GNG2: variants seen among roughly 807,000 people sequenced by gnomAD.
The protein encoded by GNG2 is G protein subunit gamma 2, also known as guanine nucleotide-binding protein G(I)/G(S)/G(O) subunit gamma-2.
In GNG2, 5 loss-of-function variants were observed where a neutral mutation model predicts 5.5. That is an observed-to-expected ratio of 0.91 (90% CI 0.48 to 1.92). The LOEUF is 1.92. GNG2 is among the 30% of genes most tolerant of loss of function. GNG2 has a pLI of 0.01. For missense variants in GNG2, 55 were observed against 88.4 expected (o/e 0.62, Z 1.52); for synonymous variants, 28 against 32.0 (o/e 0.88, Z 0.42).
rs377220682 is a variant in GNG2, at chr14:51,918,250, C to G, written c.-29-32400C>G. ...CCATGTTACCACGCTGTCTTCATGC[C>G]CGTGGTAAAGAGCTGCACTGTCTCC... On this transcript the variant is annotated intron_variant, in intron 2 of 3. Coordinates refer to ENST00000556766, the MANE Select transcript of GNG2 (RefSeq NM_053064.5). Among the ~76,000 whole-genome samples the G allele has an allele frequency of 1.1e-4, 16 of 152,256 alleles. No homozygotes were observed. The South Asian group carries it at 3.1e-3, about 30-fold the overall frequency.
At chr14:51,952,428 G>A (rs1889036040) in intron 3 of GNG2, among the ~76,000 whole-genome samples, 1 of 152,144 alleles carries the variant, frequency 6.6e-6, no homozygotes, top group South Asian at 2.1e-4. Flanking sequence ...CAACAGGTGG[G>A]CACAATACCT....
intron 2 of GNG2, among the ~76,000 whole-genome samples, chr14:51,949,759 G>A (rs371080266): frequency 6.6e-6 from 1 of 152,262 alleles, no homozygotes; most frequent in East Asian, 1.9e-4. Context: ...TGGGGGAAGT[G>A]GGCATCAGCA....
chr14:51,861,329 C>A (rs1408505502), intron 1 of GNG2: 1 of 152,186 alleles, frequency 6.6e-6, no homozygotes, highest in African/African-American at 2.4e-5. Context: ...AAAACAGTGT[C>A]TTCCTCCCTC....
upstream of GNG2, among the ~76,000 whole-genome samples, chr14:51,858,857 T>C (rs952893242): frequency 6.6e-6 from 1 of 152,196 alleles, no homozygotes; most frequent in African/African-American, 2.4e-5. Context: ...TCAATCCATT[T>C]TGTAATTTTC....
chr14:51,917,769 G>T (rs1018322419), intron 2 of GNG2, among the ~76,000 whole-genome samples: 3 of 152,018 alleles, frequency 2.0e-5, no homozygotes. Context: ...GGTGGCTCAC[G>T]CCTGTAATCC....
chr14:51,931,856 G>C (rs1406714495), intron 2 of GNG2, among the ~76,000 whole-genome samples: 2 of 152,138 alleles, frequency 1.3e-5, no homozygotes, highest in Non-Finnish European at 2.9e-5. Context: ...ATTGAAAGCA[G>C]GATCTCAAAG....
chr14:51,865,147 C>T (rs1262356562), intron 1 of GNG2, among the ~76,000 whole-genome samples: 1 of 152,106 alleles, frequency 6.6e-6, no homozygotes, highest in Non-Finnish European at 1.5e-5. Flanking sequence ...CTGTAATGCA[C>T]TTTGTCCATG....
chr14:51,839,717 G>A (rs1426588566), intron 2 of GNG2, among the ~76,000 whole-genome samples: 1 of 152,076 alleles, frequency 6.6e-6, no homozygotes, highest in Non-Finnish European at 1.5e-5. Context: ...GTGTGTGTTT[G>A]TCAAACTCAC....
intron 2 of GNG2, among the ~76,000 whole-genome samples, chr14:51,899,997 C>T (rs1056939721): frequency 3.3e-5 from 5 of 152,046 alleles, no homozygotes; most frequent in Admixed American, 2.6e-4. Flanking sequence ...TCTTCAAGAC[C>T]CTGATTTTAA....
chr14:51,852,965 G>A (rs1032272634), intron 2 of GNG2, among the ~76,000 whole-genome samples: 4 of 152,150 alleles, frequency 2.6e-5, no homozygotes, highest in African/African-American at 9.7e-5. Flanking sequence ...TACTTGGTCG[G>A]TAACTTCAGG....
In GNG2 at chr14:51,950,674, C is replaced by T. The variant is rs769332235; in HGVS notation, c.-5C>T. The T allele has an allele frequency of 1.9e-6, 3 of 1,608,226 alleles. No homozygotes were observed. The African/African-American group carries it at 4.0e-5, about 22-fold the overall frequency. The stretch of plus-strand genomic sequence containing the variant: ...GTGTTTCTGAAAGATCTATCCAGCA[C>T]TCCGATGGCCAGCAACAACACCGCC... On this transcript the variant is annotated 5_prime_UTR_variant, in exon 3 of 4. Coordinates refer to ENST00000556766, the MANE Select transcript of GNG2 (RefSeq NM_053064.5).
At chr14:51,930,166 T>C (rs1377384712) in intron 2 of GNG2, among the ~76,000 whole-genome samples, 2 of 152,226 alleles carry the variant, frequency 1.3e-5, no homozygotes, top group Non-Finnish European at 2.9e-5. Context: ...TTTTGGCATA[T>C]TTGGTTAATG....
chr14:51,851,421 A>G (rs1002863778), intron 2 of GNG2, among the ~76,000 whole-genome samples: 2 of 152,236 alleles, frequency 1.3e-5, no homozygotes, highest in Non-Finnish European at 2.9e-5. Context: ...CTAAGAGTAC[A>G]TACTAACCTC....
intron 2 of GNG2, among the ~76,000 whole-genome samples, chr14:51,901,582 C>T (rs1885561266): frequency 6.6e-6 from 1 of 152,078 alleles, no homozygotes; most frequent in African/African-American, 2.4e-5. Context: ...GGGAGGACGG[C>T]CAGCATAGAT....
chr14:51,928,853 G>A lies in GNG2; in HGVS notation c.-29-21797G>A, dbSNP rs75210392. ...CTAGAGGGTTCTGTGATTTACAGGCGTGAGCCACCGCGCCTGGCCGGGTGT... is the reference window on the plus strand; with the variant it reads ...CTAGAGGGTTCTGTGATTTACAGGCATGAGCCACCGCGCCTGGCCGGGTGT... On this transcript the variant is annotated intron_variant, in intron 2 of 3. Coordinates refer to ENST00000556766, the MANE Select transcript of GNG2 (RefSeq NM_053064.5). 2.1e-3 allele frequency among the ~76,000 whole-genome samples: 316 copies of A among 151,710 alleles called. 5 individuals carry two copies. In the East Asian group the frequency reaches 0.055, roughly 26 times the overall value.
At chr14:51,905,166 A>G (rs1397911053) in intron 2 of GNG2, among the ~76,000 whole-genome samples, 2 of 152,166 alleles carry the variant, frequency 1.3e-5, no homozygotes, top group Admixed American at 1.3e-4. Context: ...TCACTCAGGG[A>G]TTGGAAATAG....
At chr14:51,877,127 A>C (rs1391180553) in intron 1 of GNG2, among the ~76,000 whole-genome samples, 4 of 152,170 alleles carry the variant, frequency 2.6e-5, no homozygotes, top group Non-Finnish European at 5.9e-5. Flanking sequence ...ATAACCACCA[A>C]CGTGTCCTCC....
chr14:51,940,568 C>T (rs1433842615), intron 2 of GNG2, among the ~76,000 whole-genome samples: 1 of 152,144 alleles, frequency 6.6e-6, no homozygotes, highest in East Asian at 1.9e-4. Context: ...ATCATGACAC[C>T]TAAAAGATCT....
intron 2 of GNG2, among the ~76,000 whole-genome samples, chr14:51,948,334 A>G (rs1888760610): frequency 6.6e-6 from 1 of 152,210 alleles, no homozygotes; most frequent in Non-Finnish European, 1.5e-5. Flanking sequence ...TCACCCTGTA[A>G]TCTGGTGTAG....
Sources: gnomAD v4.1 joint callset for allele counts (sites outside exome capture counted in the v4.1 genomes callset) on GRCh38, gnomAD v4.1.1 for gene constraint, MANE v1.5 for transcripts, NCBI Gene and HGNC (gene_info 2026-07-23, HGNC 2026-07-21) for gene names.